Variants in DOCK7 observed in about 807,000 individuals in gnomAD.
The protein encoded by DOCK7 is dedicator of cytokinesis protein 7.
DOCK7 carries 138 observed loss-of-function variants against 271.0 expected under a neutral mutation model. The observed-to-expected ratio is 0.51, with a 90% CI of 0.44 to 0.59. The LOEUF (loss-of-function observed/expected upper bound fraction) is 0.59, where lower values mean the gene tolerates loss of function less well. Ranked by LOEUF, DOCK7 falls within the 20% of genes least tolerant of loss-of-function variation. The pLI is 0.00. For synonymous variants in DOCK7, 823 were observed against 876.1 expected (o/e 0.94, Z 1.07); for missense variants, 2,066 against 2,592.4 (o/e 0.80, Z 4.41).
chr1:62,479,851 T>C, intron 43 of DOCK7: 1 of 175,994 alleles, frequency 5.7e-6, no homozygotes, highest in South Asian at 1.1e-4. Context: ...ACCCAGCTAA[T>C]TTTTTGTACT....
rs943997493 is a variant in DOCK7, at chr1:62,618,617, G to C, written c.1682+89C>G. On this transcript the variant is annotated intron_variant, in intron 14 of 49. Coordinates refer to ENST00000635253, the MANE Select transcript of DOCK7 (RefSeq NM_001367561.1). ...AGAGTTAAGTAACAAAACTACTTAAGATTTTTGGAGAGTTTATTCTAGTTA... is the reference window on the plus strand; with the variant it reads ...AGAGTTAAGTAACAAAACTACTTAACATTTTTGGAGAGTTTATTCTAGTTA... The C allele has an allele frequency of 1.1e-5, 14 of 1,218,482 alleles. No homozygotes were observed. In the African/African-American group the frequency reaches 2.2e-4, roughly 19 times the overall value. The allele number at this position is 1,218,482 out of a possible 1,614,324, so 75.5% of individuals were successfully genotyped here.
chr1:62,457,284 GT>G (rs1645374553), intron 49 of DOCK7, among the ~76,000 whole-genome samples: 1 of 152,146 alleles, frequency 6.6e-6, no homozygotes, highest in Non-Finnish European at 1.5e-5. Flanking sequence ...ATTCTGAAAT[GT>G]TCCAATATCA....
intron 14 of DOCK7, among the ~76,000 whole-genome samples, chr1:62,598,381 A>C (rs1004531542): frequency 2.6e-5 from 4 of 152,060 alleles, no homozygotes; most frequent in African/African-American, 9.7e-5. Flanking sequence ...AAAAAAATTT[A>C]AAACTATTCT....
At chr1:62,617,887 TA>T (rs1652654807) in intron 14 of DOCK7, among the ~76,000 whole-genome samples, 1 of 152,052 alleles carries the variant, frequency 6.6e-6, no homozygotes, top group Non-Finnish European at 1.5e-5. Flanking sequence ...AAGTAGAGCC[TA>T]TGTAACTTGT....
At chr1:62,539,715 T>C in intron 26 of DOCK7, 37 bp downstream of exon 26, 1 of 1,611,452 alleles carries the variant, frequency 6.2e-7, no homozygotes, top group South Asian at 1.1e-5. Context: ...TAATCTGAGC[T>C]TGAAAGAGAG....
Position 62,660,612 on chromosome 1 carries a change from G to GATA in DOCK7, c.144+2412_144+2413insTAT, listed in dbSNP as rs369866452. On this transcript the variant is annotated intron_variant, in intron 2 of 49. Transcript: ENST00000635253. The stretch of plus-strand genomic sequence containing the variant: ...TACAATAAACACAGAATTACTCTAT[G>GATA]ATCTAGCAATTCCAGTTCTAGGTAT... Among the ~76,000 whole-genome samples the GATA allele has an allele frequency of 4.3e-3, 657 of 152,270 alleles. 2 individuals carry two copies. Among genetic ancestry groups the GATA allele is most frequent in the Middle Eastern group, 0.017 (5 of 294 alleles).
chr1:62,625,172 C>G, intron 12 of DOCK7, 87 bp downstream of exon 12: 1 of 1,292,760 alleles, frequency 7.7e-7, no homozygotes. Flanking sequence ...CCCTCCCATA[C>G]ATGTATAGTA....
chr1:62,492,539 TA>T, intron 41 of DOCK7, 164 bp downstream of exon 41: 2 of 727,888 alleles, frequency 2.7e-6, no homozygotes. Context: ...CCTCCCGTCT[TA>T]GCCTCTCAAA....
intron 14 of DOCK7, among the ~76,000 whole-genome samples, chr1:62,615,859 T>A (rs1440771719): frequency 6.6e-6 from 1 of 151,762 alleles, no homozygotes; most frequent in Non-Finnish European, 1.5e-5. Context: ...TCTCTCAACA[T>A]CATTCTCAAA....
intron 2 of DOCK7, among the ~76,000 whole-genome samples, chr1:62,657,438 AAT>A (rs1658160859): frequency 6.6e-6 from 1 of 152,200 alleles, no homozygotes; most frequent in Non-Finnish European, 1.5e-5. Context: ...AACCAGCTAA[AAT>A]ATGTTTAAAT....
rs1644624495 is a variant in DOCK7 at position 62,515,165 on chromosome 1, G to T, written c.3937-1267C>A. 4.1e-5 allele frequency among the ~76,000 whole-genome samples: 6 copies of T among 147,722 alleles called. No homozygotes were observed. In the South Asian group the frequency reaches 8.5e-4, roughly 21 times the overall value. On this transcript the variant is annotated intron_variant, in intron 31 of 49. Transcript: ENST00000635253. ...AAAAAAAAAAAAAACCTGACCACCA[G>T]AAGTATTTTGTAATAAGAGGCGGGA...
chr1:62,490,882 A>G (rs1348529874), intron 41 of DOCK7, among the ~76,000 whole-genome samples: 1 of 152,130 alleles, frequency 6.6e-6, no homozygotes, highest in Non-Finnish European at 1.5e-5. Context: ...AGAGGCAAAC[A>G]TTTTAAAAGA....
chr1:62,569,133 G>T (rs879974397), intron 18 of DOCK7, among the ~76,000 whole-genome samples: 1 of 152,078 alleles, frequency 6.6e-6, no homozygotes, highest in Non-Finnish European at 1.5e-5. Context: ...AGGATCAGAT[G>T]GATTTACAGC....
intron 18 of DOCK7, among the ~76,000 whole-genome samples, chr1:62,574,413 T>C (rs750160097): frequency 6.6e-6 from 1 of 151,832 alleles, no homozygotes; most frequent in Non-Finnish European, 1.5e-5. Flanking sequence ...ATGAAATAAA[T>C]TGTGGATATG....
At chr1:62,676,453 G>T (rs1258414918) in intron 1 of DOCK7, among the ~76,000 whole-genome samples, 1 of 152,144 alleles carries the variant, frequency 6.6e-6, no homozygotes, top group Non-Finnish European at 1.5e-5. Flanking sequence ...GTGGATGATG[G>T]TTTCACAGCT....
chr1:62,679,089 A>G (rs1455492634), intron 1 of DOCK7, among the ~76,000 whole-genome samples: 2 of 152,150 alleles, frequency 1.3e-5, no homozygotes, highest in African/African-American at 2.4e-5. Context: ...ATTAATGGGG[A>G]AAGGACAATC....
At chr1:62,507,792 G>A (rs1310756601) in intron 35 of DOCK7, among the ~76,000 whole-genome samples, 170 bp downstream of exon 35, 1 of 152,232 alleles carries the variant, frequency 6.6e-6, no homozygotes, top group Non-Finnish European at 1.5e-5. Context: ...AGAAACAGTT[G>A]AAGCTATGGG....
At chr1:62,570,152 C>A (rs1171644346) in intron 18 of DOCK7, among the ~76,000 whole-genome samples, 1 of 152,178 alleles carries the variant, frequency 6.6e-6, no homozygotes, top group Non-Finnish European at 1.5e-5. Flanking sequence ...TCTAGAAAAA[C>A]CCACTGTCTC....
At chr1:62,509,311 T>TC (rs1644412603) in intron 34 of DOCK7, among the ~76,000 whole-genome samples, 1 of 11,608 alleles carries the variant, frequency 8.6e-5, no homozygotes, top group Non-Finnish European at 2.3e-4. Flanking sequence ...AGATCTTGTC[T>TC]CAAAAAAAAA....
Sources: allele counts gnomAD v4.1 joint callset (sites outside exome capture counted in the v4.1 genomes callset), GRCh38; gene constraint gnomAD v4.1.1; transcripts MANE v1.5; gene names NCBI Gene and HGNC (gene_info 2026-07-23, HGNC 2026-07-21).